Variants in CTIF observed in about 807,000 individuals in gnomAD.
CTIF encodes cap binding complex dependent translation initiation factor.
A neutral mutation model predicts 66.0 loss-of-function variants in CTIF; 21 were observed. The ratio of observed to expected loss-of-function variants is 0.32; its 90% confidence interval spans 0.23 to 0.46. CTIF has a LOEUF of 0.46. CTIF is among the 20% of genes least tolerant of loss of function. CTIF has a pLI of 1.00. For synonymous variants in CTIF, 345 were observed against 326.4 expected (o/e 1.06, Z -0.62); for missense variants, 739 against 812.7 (o/e 0.91, Z 1.10).
intron 1 of CTIF, among the ~76,000 whole-genome samples, chr18:48,574,762 T>G (rs1207748896): frequency 7.7e-6 from 1 of 130,136 alleles, no homozygotes; most frequent in African/African-American, 2.6e-5. Flanking sequence ...CCCCTAGGAG[T>G]GTGGTGTGAA....
chr18:48,714,490 A>C (rs935727448), intron 7 of CTIF, among the ~76,000 whole-genome samples: 3 of 151,990 alleles, frequency 2.0e-5, no homozygotes, highest in African/African-American at 7.3e-5. Flanking sequence ...AAGTGGCTGG[A>C]GTTGGTGTCC....
intron 3 of CTIF, among the ~76,000 whole-genome samples, chr18:48,661,394 A>AT (rs11370701): frequency 0.58 from 86,667 of 150,222 alleles, 27,910 homozygotes; most frequent in East Asian, 0.86. Flanking sequence ...TGCATGTATG[A>AT]TTTTTTTTTA....
intron 9 of CTIF, among the ~76,000 whole-genome samples, chr18:48,780,395 A>G (rs979739441): frequency 6.6e-6 from 1 of 151,986 alleles, no homozygotes; most frequent in African/African-American, 2.4e-5. Context: ...AACAAAAGCT[A>G]AAAACTCCTC....
chr18:48,700,111 G>A (rs2092062548), intron 6 of CTIF, among the ~76,000 whole-genome samples: 1 of 152,254 alleles, frequency 6.6e-6, no homozygotes, highest in African/African-American at 2.4e-5. Context: ...GCTGGGCCAG[G>A]TGGGGATAAT....
chr18:48,649,546 C>A (rs1407578317), intron 3 of CTIF, among the ~76,000 whole-genome samples: 1 of 152,254 alleles, frequency 6.6e-6, no homozygotes, highest in African/African-American at 2.4e-5. Flanking sequence ...CAAAAGGCAG[C>A]AGAAACTTCT....
Position 48,654,188 on chromosome 18 carries a change from C to A in CTIF, c.253-9564C>A, listed in dbSNP as rs571814262. ...AGAAACTACCATAAGAGTGAATAGGCAACCTACAGAATGGGAGAAAATTTT... is the reference window on the plus strand; with the variant it reads ...AGAAACTACCATAAGAGTGAATAGGAAACCTACAGAATGGGAGAAAATTTT... On this transcript the variant is annotated intron_variant, in intron 3 of 11. Transcript: ENST00000256413. 7.9e-5 allele frequency among the ~76,000 whole-genome samples: 12 copies of A among 152,140 alleles called. No homozygotes were observed. In the South Asian group the frequency reaches 2.3e-3, roughly 29 times the overall value.
At chr18:48,687,881 A>G (rs578221373) in intron 6 of CTIF, among the ~76,000 whole-genome samples, 1 of 152,148 alleles carries the variant, frequency 6.6e-6, no homozygotes, top group African/African-American at 2.4e-5. Flanking sequence ...CCCCACCCCC[A>G]GTGGTAGCCC....
intron 1 of CTIF, among the ~76,000 whole-genome samples, chr18:48,564,002 G>T (rs1370667816): frequency 6.6e-6 from 1 of 152,158 alleles, no homozygotes; most frequent in Non-Finnish European, 1.5e-5. Context: ...CTCTGCTGGA[G>T]ATTTTTGATC....
chr18:48,816,158 G>A (rs748344477), intron 9 of CTIF, among the ~76,000 whole-genome samples: 51 of 152,122 alleles, frequency 3.4e-4, no homozygotes, highest in Admixed American at 1.6e-3. Flanking sequence ...TTCTCCCTGG[G>A]ACCATCAGGC....
intron 2 of CTIF, among the ~76,000 whole-genome samples, chr18:48,632,260 C>A (rs1470775973): frequency 6.6e-6 from 1 of 152,160 alleles, no homozygotes; most frequent in Non-Finnish European, 1.5e-5. Context: ...CCCCACAAGC[C>A]CAGTGGGTAG....
At chr18:48,572,724 A>G (rs567475853) in intron 1 of CTIF, among the ~76,000 whole-genome samples, 2 of 152,276 alleles carry the variant, frequency 1.3e-5, no homozygotes, top group East Asian at 3.9e-4. Context: ...GCAGTGGCTC[A>G]CACCTGTAAT....
At chr18:48,757,883 T>TG (rs368755453) in intron 7 of CTIF, 36 bp from the exon 8 acceptor site, 1 of 1,585,856 alleles carries the variant, frequency 6.3e-7, no homozygotes. Context: ...GCCCGCCCAG[T>TG]GATCGCCTTC....
chr18:48,576,172 A>G (rs16949510), intron 1 of CTIF, among the ~76,000 whole-genome samples: 137 of 152,270 alleles, frequency 9.0e-4, no homozygotes, highest in Non-Finnish European at 1.6e-3. Flanking sequence ...TTGGGGGTGT[A>G]TGGTCACTTG....
intron 1 of CTIF, among the ~76,000 whole-genome samples, chr18:48,569,936 C>G (rs2089373776): frequency 6.6e-6 from 1 of 152,218 alleles, no homozygotes; most frequent in Non-Finnish European, 1.5e-5. Context: ...GTTTCTAGGG[C>G]CAGTGACATT....
At chr18:48,574,023 G>T (rs929330514) in intron 1 of CTIF, among the ~76,000 whole-genome samples, 7 of 152,190 alleles carry the variant, frequency 4.6e-5, no homozygotes, top group African/African-American at 1.4e-4. Context: ...GTGTCACCGG[G>T]CACCCTCAGG....
chr18:48,658,592 C>T (rs1365554488), intron 3 of CTIF, among the ~76,000 whole-genome samples: 1 of 151,502 alleles, frequency 6.6e-6, no homozygotes, highest in Non-Finnish European at 1.5e-5. Flanking sequence ...GCATACCATG[C>T]ATGTGTGTGT....
chr18:48,858,618 G>A (rs952550936), intron 11 of CTIF, among the ~76,000 whole-genome samples: 16 of 152,168 alleles, frequency 1.1e-4, no homozygotes, highest in South Asian at 2.1e-4. Context: ...GGACCGAGAC[G>A]GGGACTGAGA....
At chr18:48,813,489 C>A (rs2068302596) in intron 9 of CTIF, among the ~76,000 whole-genome samples, 1 of 152,216 alleles carries the variant, frequency 6.6e-6, no homozygotes, top group Non-Finnish European at 1.5e-5. Context: ...AATGAGATCA[C>A]CCCTGTCTGG....
At chr18:48,810,211 G>A (rs1003100319) in intron 9 of CTIF, among the ~76,000 whole-genome samples, 3 of 152,070 alleles carry the variant, frequency 2.0e-5, no homozygotes, top group South Asian at 2.1e-4. Context: ...CATATCAGTC[G>A]GGATAGCCAC....
Sources: allele counts gnomAD v4.1 joint callset (sites outside exome capture counted in the v4.1 genomes callset), GRCh38; gene constraint gnomAD v4.1.1; transcripts MANE v1.5; gene names NCBI Gene and HGNC (gene_info 2026-07-23, HGNC 2026-07-21).